ERP44: variants seen among roughly 807,000 people sequenced by gnomAD.
ERP44 encodes the protein endoplasmic reticulum resident protein 44.
In ERP44, 25 loss-of-function variants were observed where a neutral mutation model predicts 53.4. That is an observed-to-expected ratio of 0.47 (90% confidence interval 0.34 to 0.65). ERP44 has a LOEUF of 0.65. Among genes scored for constraint, ERP44 ranks in the 30% least tolerant of loss-of-function variants. The probability of loss-of-function intolerance (pLI) is 0.01; values close to 1 mark genes in which losing one functional copy is unlikely to be tolerated. For missense variants in ERP44, 338 were observed against 493.2 expected, an observed-to-expected ratio of 0.69 and a Z score of 2.98; for synonymous variants, 145 against 161.2, an observed-to-expected ratio of 0.90 and a Z score of 0.76.
rs182734808 is a variant in ERP44, at chr9:100,044,094, C to T, written c.286+8323G>A. On this transcript the variant is annotated intron_variant, in intron 4 of 11. Transcript: ENST00000262455. ...CTTTTGTACATAAAATTTTGCCTTACGATCAATGATGAGTTAGACTGGGTA... is the reference window on the plus strand; with the variant it reads ...CTTTTGTACATAAAATTTTGCCTTATGATCAATGATGAGTTAGACTGGGTA... Among the ~76,000 whole-genome samples the T allele has an allele frequency of 8.5e-5, 13 of 152,174 alleles. No individual in the cohort carries two copies. In the East Asian group the frequency reaches 1.3e-3, roughly 16 times the overall value.
intron 4 of ERP44, among the ~76,000 whole-genome samples, chr9:100,037,344 G>A (rs965639756): frequency 6.6e-6 from 1 of 152,108 alleles, no homozygotes; most frequent in African/African-American, 2.4e-5. Context: ...CTTGAGTTCT[G>A]GCAAACATTA....
At chr9:99,992,150 C>G (rs1458993319) in intron 10 of ERP44, among the ~76,000 whole-genome samples, 1 of 152,100 alleles carries the variant, frequency 6.6e-6, no homozygotes, top group Non-Finnish European at 1.5e-5. Flanking sequence ...AGAGAGAATC[C>G]TCCCTAACTC....
Position 100,066,953 on chromosome 9 carries a change from A to T in ERP44, c.58-6781T>A, listed in dbSNP as rs550906361. On this transcript the variant is annotated intron_variant, in intron 1 of 11. Transcript: ENST00000262455. ...AGAAGTTCAAAGAGAGGGGAAAAAT[A>T]GGACTAAGTATAGAATAACACTGGG... Among the ~76,000 whole-genome samples, 86 of 152,334 alleles carry T rather than the reference A, an allele frequency of 5.6e-4. 1 individual carries two copies. In the South Asian group the frequency reaches 0.013, roughly 24 times the overall value.
At chr9:100,005,382 T>A (rs1468977709) in intron 10 of ERP44, among the ~76,000 whole-genome samples, 1 of 152,158 alleles carries the variant, frequency 6.6e-6, no homozygotes, top group Admixed American at 6.5e-5. Flanking sequence ...AGGGACCCAG[T>A]CTCAGTAAAA....
chr9:100,067,621 G>C (rs1826232806), intron 1 of ERP44, among the ~76,000 whole-genome samples: 2 of 152,148 alleles, frequency 1.3e-5, no homozygotes, highest in Non-Finnish European at 2.9e-5. Flanking sequence ...ACCCCGTCTG[G>C]GAAGTGAGGA....
chr9:100,053,059 G>A (rs1826054627), intron 3 of ERP44, among the ~76,000 whole-genome samples: 1 of 151,998 alleles, frequency 6.6e-6, no homozygotes, highest in Non-Finnish European at 1.5e-5. Flanking sequence ...TTAGACTATT[G>A]TGTAAAATAT....
chr9:100,063,075 CAAAAA>C (rs58004954), intron 1 of ERP44, among the ~76,000 whole-genome samples: 533 of 40,070 alleles, frequency 0.013, 33 homozygotes, highest in Non-Finnish European at 0.018. Context: ...CCCTGTCTCA[CAAAAA>C]AAAAAAAAAA....
At chr9:100,067,741 G>T in intron 1 of ERP44, among the ~76,000 whole-genome samples, 1 of 151,912 alleles carries the variant, frequency 6.6e-6, no homozygotes, top group Middle Eastern at 3.2e-3. Flanking sequence ...CATCTAGGAA[G>T]TGAGGAGCGC....
chr9:100,035,407 G>C (rs950438765), intron 4 of ERP44, among the ~76,000 whole-genome samples: 4 of 152,174 alleles, frequency 2.6e-5, no homozygotes, highest in Non-Finnish European at 5.9e-5. Flanking sequence ...TTAAAAAGTA[G>C]GCAAAGGCCT....
At chr9:100,027,788 A>T (rs928431792) in intron 4 of ERP44, among the ~76,000 whole-genome samples, 2 of 152,160 alleles carry the variant, frequency 1.3e-5, no homozygotes, top group African/African-American at 4.8e-5. Context: ...CATGGCAGAA[A>T]ATACAAAGAG....
intron 1 of ERP44, among the ~76,000 whole-genome samples, chr9:100,088,720 G>T (rs2118757917): frequency 6.6e-6 from 1 of 152,288 alleles, no homozygotes; most frequent in Admixed American, 6.5e-5. Context: ...TTCCTCAGAA[G>T]TTAATAGGAA....
intron 7 of ERP44, among the ~76,000 whole-genome samples, chr9:100,017,362 G>A (rs1018686041): frequency 6.6e-6 from 1 of 152,096 alleles, no homozygotes; most frequent in Non-Finnish European, 1.5e-5. Context: ...TAAGAAGGTG[G>A]CACATTTGAC....
chr9:100,014,082 A>G (rs1467206315), intron 8 of ERP44, among the ~76,000 whole-genome samples: 3 of 152,210 alleles, frequency 2.0e-5, no homozygotes, highest in East Asian at 3.8e-4. Flanking sequence ...AAAGCTTCCT[A>G]TAGTCCTATT....
intron 10 of ERP44, among the ~76,000 whole-genome samples, chr9:100,001,293 C>T (rs1019115564): frequency 6.6e-6 from 1 of 152,096 alleles, no homozygotes; most frequent in African/African-American, 2.4e-5. Context: ...GTTCCATGGG[C>T]ACTTGAGAAG....
chr9:100,041,445 G>A (rs958073176), intron 4 of ERP44, among the ~76,000 whole-genome samples: 1 of 152,094 alleles, frequency 6.6e-6, no homozygotes, highest in Non-Finnish European at 1.5e-5. Flanking sequence ...TGAGGCTGGT[G>A]GATCACGAGA....
chr9:100,018,168 T>A (rs931991687), intron 7 of ERP44, 88 bp downstream of exon 7: 5 of 851,906 alleles, frequency 5.9e-6, no homozygotes, highest in Non-Finnish European at 6.1e-6. Flanking sequence ...GTTCTATTAG[T>A]CTATGAACAT....
chr9:100,038,860 C>T (rs961437757), intron 4 of ERP44, among the ~76,000 whole-genome samples: 3 of 152,030 alleles, frequency 2.0e-5, no homozygotes, highest in Non-Finnish European at 4.4e-5. Context: ...ATACTTATAT[C>T]AGACAAAATA....
intron 1 of ERP44, among the ~76,000 whole-genome samples, chr9:100,090,486 C>T (rs983066407): frequency 2.0e-5 from 3 of 152,152 alleles, no homozygotes; most frequent in Non-Finnish European, 4.4e-5. Flanking sequence ...CAGTGGCTCA[C>T]GGCTGTAATC....
chr9:100,041,605 T>G (rs760426285), intron 4 of ERP44, among the ~76,000 whole-genome samples: 2 of 151,808 alleles, frequency 1.3e-5, no homozygotes, highest in East Asian at 1.9e-4. Context: ...GAGGTGGAGG[T>G]TGCAGTGAGC....
Sources: allele counts gnomAD v4.1 joint callset (sites outside exome capture counted in the v4.1 genomes callset), GRCh38; gene constraint gnomAD v4.1.1; transcripts MANE v1.5; gene names NCBI Gene and HGNC (gene_info 2026-07-23, HGNC 2026-07-21).